PSMD1: variants seen among roughly 807,000 people sequenced by gnomAD.
PSMD1 encodes the protein 26S proteasome non-ATPase regulatory subunit 1.
PSMD1 carries 18 observed loss-of-function variants against 119.0 expected under a neutral mutation model. The observed-to-expected ratio is 0.15, with a 90% confidence interval of 0.10 to 0.22. The LOEUF (loss-of-function observed/expected upper bound fraction) is 0.22. Ranked by LOEUF, PSMD1 falls within the 10% of genes least tolerant of loss-of-function variation. The pLI, the probability that PSMD1 is intolerant of heterozygous loss-of-function variation, is 1.00. For missense variants in PSMD1, 702 were observed against 1,158.5 expected, an observed-to-expected ratio of 0.61 and a Z score of 5.72; for synonymous variants, 374 against 396.6, an observed-to-expected ratio of 0.94 and a Z score of 0.68.
chr2:231,077,248 T>A, intron 9 of PSMD1, 86 bp downstream of exon 9: 1 of 994,070 alleles, frequency 1.0e-6, no homozygotes, highest in East Asian at 3.2e-5. Flanking sequence ...TCTTGTTGGA[T>A]ACTTTCTTTA....
chr2:231,138,775 A>G lies in PSMD1; in HGVS notation c.1923A>G (p.Ser641=), dbSNP rs762705287. The G allele has an allele frequency of 1.2e-5, 20 of 1,614,058 alleles. No individual in the cohort carries two copies. Among genetic ancestry groups the G allele is most frequent in the Non-Finnish European group, 1.7e-5 (20 of 1,180,020 alleles). The part of the protein sequence containing the change: ...EQCPSVVSLL[S]ESYNPHVRYG... Reference sequence around the variant, plus strand: ...GCCCAAGTGTTGTCTCTTTGTTGTCAGAGAGTTACAACCCTCATGTGCGCT... The same window carrying G: ...GCCCAAGTGTTGTCTCTTTGTTGTCGGAGAGTTACAACCCTCATGTGCGCT... The change falls in exon 17 of 25, where the codon TCA becomes TCG. Residue 641 remains serine (S), a synonymous_variant. Coordinates refer to ENST00000308696, the MANE Select transcript of PSMD1 (RefSeq NM_002807.4).
chr2:231,102,524 A>G lies in PSMD1; in HGVS notation c.1883+15343A>G, dbSNP rs181274566. 1.6e-4 allele frequency among the ~76,000 whole-genome samples: 24 copies of G among 152,364 alleles called. No individual in the cohort carries two copies. The East Asian group carries it at 4.4e-3, about 28-fold the overall frequency. ...TTTTATGTTATATGTATTATATACT[A>G]TATTCTTACAGTAAGGTAAGCTAGA... On this transcript the variant is annotated intron_variant, in intron 16 of 24. Transcript: ENST00000308696.
At chr2:231,080,405 A>G (rs1694281616) in intron 12 of PSMD1, 91 bp downstream of exon 12, 2 of 1,141,024 alleles carry the variant, frequency 1.8e-6, no homozygotes, top group Admixed American at 3.2e-5. Flanking sequence ...GAGATTTTGT[A>G]GAATTTGCGA....
intron 18 of PSMD1, among the ~76,000 whole-genome samples, chr2:231,152,396 T>C (rs1272411773): frequency 6.6e-6 from 1 of 152,306 alleles, no homozygotes; most frequent in Middle Eastern, 3.4e-3. Flanking sequence ...TCATGCTTAT[T>C]GAACTATGAA....
At chr2:231,100,384 C>G (rs1371399814) in intron 16 of PSMD1, among the ~76,000 whole-genome samples, 1 of 152,092 alleles carries the variant, frequency 6.6e-6, no homozygotes, top group Non-Finnish European at 1.5e-5. Flanking sequence ...GTTAGACGCA[C>G]AGGCTAAACT....
At chr2:231,066,347 T>C (rs961787907) in intron 4 of PSMD1, among the ~76,000 whole-genome samples, 11 of 152,230 alleles carry the variant, frequency 7.2e-5, no homozygotes, top group Non-Finnish European at 1.5e-4. Context: ...GCTAATAGTT[T>C]CATTAATGCA....
chr2:231,131,435 G>GTGAA (rs952805164), intron 16 of PSMD1, among the ~76,000 whole-genome samples: 8 of 152,182 alleles, frequency 5.3e-5, no homozygotes, highest in African/African-American at 1.9e-4. Flanking sequence ...TTTGCTTTCA[G>GTGAA]TGAATGTTTG....
At chr2:231,126,953 A>T (rs1273183111) in intron 16 of PSMD1, among the ~76,000 whole-genome samples, 2 of 152,094 alleles carry the variant, frequency 1.3e-5, no homozygotes, top group Non-Finnish European at 2.9e-5. Context: ...CTGTGCTCTA[A>T]AACCCTAAGC....
intron 13 of PSMD1, 123 bp from the exon 14 acceptor site, chr2:231,083,444 A>T (rs935233433): frequency 1.1e-5 from 11 of 1,007,498 alleles, no homozygotes; most frequent in Non-Finnish European, 1.5e-5. Flanking sequence ...GGTTTAAAAA[A>T]ATGCTATCAG....
chr2:231,144,683 GGATT>G lies in PSMD1; in HGVS notation c.1999-1556_1999-1553del, dbSNP rs1696212833. 3.9e-5 allele frequency among the ~76,000 whole-genome samples: 6 copies of G among 152,194 alleles called. No homozygotes were observed. In the South Asian group the frequency reaches 1.2e-3, roughly 32 times the overall value. On this transcript the variant is annotated intron_variant, in intron 17 of 24. Coordinates refer to ENST00000308696, the MANE Select transcript of PSMD1 (RefSeq NM_002807.4). Reference sequence around the variant, plus strand: ...CCCACTTTGGCCTCACAAAGTGCTGGGATTACAGGCACAAGCCACCACGCCCACC... The same window carrying G: ...CCCACTTTGGCCTCACAAAGTGCTGGACAGGCACAAGCCACCACGCCCACC...
chr2:231,087,984 A>T lies in PSMD1; in HGVS notation c.1883+803A>T, dbSNP rs114070517. ...TCTCAAAAAAAAAAAAAGAAGTCAC[A>T]CTCTAAACCCATCTGCCTGGGTTGA... On this transcript the variant is annotated intron_variant, in intron 16 of 24. Coordinates refer to ENST00000308696, the MANE Select transcript of PSMD1 (RefSeq NM_002807.4). Among the ~76,000 whole-genome samples the T allele has an allele frequency of 3.6e-3, 543 of 151,496 alleles. 5 individuals carry two copies. Among genetic ancestry groups the T allele is most frequent in the African/African-American group, 0.013 (523 of 41,306 alleles).
intron 16 of PSMD1, among the ~76,000 whole-genome samples, chr2:231,109,740 C>G (rs1389722299): frequency 6.6e-6 from 1 of 152,136 alleles, no homozygotes; most frequent in Non-Finnish European, 1.5e-5. Context: ...TAAGCTATCT[C>G]AGATTAAGGA....
intron 4 of PSMD1, among the ~76,000 whole-genome samples, chr2:231,063,850 G>A (rs1433290145): frequency 1.3e-5 from 2 of 151,974 alleles, no homozygotes; most frequent in Non-Finnish European, 2.9e-5. Context: ...TTGAAAACAG[G>A]GCAGGATCTC....
intron 4 of PSMD1, among the ~76,000 whole-genome samples, chr2:231,063,030 A>G (rs1052077240): frequency 7.2e-5 from 11 of 152,194 alleles, no homozygotes; most frequent in African/African-American, 2.7e-4. Flanking sequence ...TCTGCATACC[A>G]TGGTTTATTC....
chr2:231,065,535 G>T (rs1309006963), intron 4 of PSMD1, among the ~76,000 whole-genome samples: 1 of 151,192 alleles, frequency 6.6e-6, no homozygotes, highest in Non-Finnish European at 1.5e-5. Flanking sequence ...TCCTGACCTC[G>T]TGATCCACCC....
intron 16 of PSMD1, among the ~76,000 whole-genome samples, chr2:231,107,021 G>A (rs978145116): frequency 8.6e-5 from 13 of 151,916 alleles, no homozygotes; most frequent in African/African-American, 3.1e-4. Flanking sequence ...TTTTTTTTAA[G>A]GAATGTAAAT....
intron 16 of PSMD1, among the ~76,000 whole-genome samples, chr2:231,113,281 T>G (rs1282275564): frequency 6.6e-6 from 1 of 152,246 alleles, no homozygotes; most frequent in African/African-American, 2.4e-5. Context: ...CTTTGATACC[T>G]GCCCACAAAA....
At chr2:231,065,459 A>ATTTTT (rs58929120) in intron 4 of PSMD1, among the ~76,000 whole-genome samples, 48 of 141,024 alleles carry the variant, frequency 3.4e-4, no homozygotes, top group East Asian at 2.3e-3. Flanking sequence ...CACCCGGCTA[A>ATTTTT]TTTTTTTTTT....
rs1696694755 is a variant in PSMD1, at chr2:231,163,803, T to C, written c.2481+76T>C. On this transcript the variant is annotated intron_variant, in intron 21 of 24. Coordinates refer to ENST00000308696, the MANE Select transcript of PSMD1 (RefSeq NM_002807.4). ...CTGAGTATTTTACTTTTTCTTTAAC[T>C]ATCTTTTATGTTTTAAAAGTAACAC... 4.7e-6 allele frequency: 5 copies of C among 1,060,256 alleles called. No individual in the cohort carries two copies. In the Admixed American group the frequency reaches 1.1e-4, roughly 24 times the overall value. The allele number at this position is 1,060,256 out of a possible 1,614,324, so 65.7% of individuals were successfully genotyped here.
Sources: allele counts gnomAD v4.1 joint callset (sites outside exome capture counted in the v4.1 genomes callset), GRCh38; gene constraint gnomAD v4.1.1; transcripts MANE v1.5; gene names NCBI Gene and HGNC (gene_info 2026-07-23, HGNC 2026-07-21).